The following NAA50 variants were observed in gnomAD, a reference collection of about 807,000 sequenced individuals.
NAA50 encodes N-alpha-acetyltransferase 50.
NAA50 carries 7 observed loss-of-function variants against 20.7 expected under a neutral mutation model. The observed-to-expected ratio is 0.34, with a 90% CI of 0.19 to 0.63. The LOEUF (loss-of-function observed/expected upper bound fraction) is 0.63, where lower values mean the gene tolerates loss of function less well. NAA50 is among the 30% of genes least tolerant of loss of function. NAA50 has a pLI of 0.75. For synonymous variants in NAA50, 54 were observed against 70.6 expected (o/e 0.77, Z 1.18); for missense variants, 111 against 199.1 (o/e 0.56, Z 2.66).
chr3:113,737,967 A>G (rs913316443), intron 1 of NAA50, among the ~76,000 whole-genome samples: 5 of 152,190 alleles, frequency 3.3e-5, no homozygotes, highest in Admixed American at 6.5e-5. Flanking sequence ...CATTTTGGGA[A>G]GCCAAAGTGG....
intron 1 of NAA50, among the ~76,000 whole-genome samples, chr3:113,734,332 A>T (rs952231763): frequency 2.0e-5 from 3 of 152,154 alleles, no homozygotes; most frequent in Non-Finnish European, 4.4e-5. Context: ...GCAAGAGGTG[A>T]AAAACTACCT....
At chr3:113,733,120 T>G (rs1163584374) in intron 1 of NAA50, among the ~76,000 whole-genome samples, 1 of 152,186 alleles carries the variant, frequency 6.6e-6, no homozygotes, top group African/African-American at 2.4e-5. Context: ...CTCCTGCTTT[T>G]ACATTGGATT....
chr3:113,745,418 G>A (rs1338593995), intron 1 of NAA50, among the ~76,000 whole-genome samples: 2 of 152,136 alleles, frequency 1.3e-5, no homozygotes, highest in Non-Finnish European at 1.5e-5. Context: ...CCCAAATCTA[G>A]TTGAGTCACT....
Position 113,716,909 on chromosome 3 carries a change from G to C in NAA50, c.*4851C>G, listed in dbSNP as rs1326363720. 1 of 152,254 alleles carries C rather than the reference G, an allele frequency of 6.6e-6. No individual in the cohort carries two copies. Among genetic ancestry groups the C allele is most frequent in the African/African-American group, 2.4e-5 (1 of 41,550 alleles). The allele number at this position is 152,254 out of a possible 1,614,324, so 9.4% of individuals were successfully genotyped here. ...ATAATTCTTCTAGATCTCAACTCTA[G>C]GCTGTTAACAAGTAGCAACTCCTTC... On this transcript the variant is annotated 3_prime_UTR_variant, in exon 5 of 5. Coordinates refer to ENST00000240922, the MANE Select transcript of NAA50 (RefSeq NM_025146.4).
chr3:113,721,735 G>A lies in NAA50; in HGVS notation c.*25C>T, dbSNP rs771574003. On this transcript the variant is annotated 3_prime_UTR_variant, in exon 5 of 5. Coordinates refer to ENST00000240922, the MANE Select transcript of NAA50 (RefSeq NM_025146.4). The stretch of plus-strand genomic sequence containing the variant: ...CTCTTTTATTTGGCGACAAGCAAGT[G>A]CAAGAAAGTTCATTTGTAATTTGTT... 6.2e-7 allele frequency: 1 copy of A among 1,613,142 alleles called. No individual in the cohort carries two copies. Among genetic ancestry groups the A allele is most frequent in the African/African-American group, 1.3e-5 (1 of 74,964 alleles).
chr3:113,723,611 A>G lies in NAA50; in HGVS notation c.146-70T>C. On this transcript the variant is annotated intron_variant, in intron 2 of 4. Transcript: ENST00000240922. ...ACACATTTAATCTTTTTCCCTTTTA[A>G]AGGACTACACTGTTCCTATCAACAT... 14 of 1,469,042 alleles carry G rather than the reference A, an allele frequency of 9.5e-6. No homozygotes were observed. The South Asian group carries it at 1.7e-4, about 18-fold the overall frequency. 91.0% of individuals were successfully genotyped at this position (1,469,042 alleles called of 1,614,324 possible). A position where few individuals can be genotyped will look rare whatever the true frequency, so the allele number is the denominator to read the frequency against.
At chr3:113,731,453 T>A (rs1460403609) in intron 1 of NAA50, among the ~76,000 whole-genome samples, 2 of 152,220 alleles carry the variant, frequency 1.3e-5, no homozygotes, top group Non-Finnish European at 2.9e-5. Flanking sequence ...CCCCCTCATT[T>A]CTTTCTCCTT....
intron 1 of NAA50, among the ~76,000 whole-genome samples, chr3:113,731,215 G>A (rs2107989508): frequency 6.6e-6 from 1 of 152,108 alleles, no homozygotes; most frequent in Middle Eastern, 3.4e-3. Context: ...GGTGTATTAT[G>A]GATACTTGTC....
chr3:113,723,851 T>A, intron 2 of NAA50, 108 bp downstream of exon 2: 1 of 1,268,300 alleles, frequency 7.9e-7, no homozygotes. Flanking sequence ...TCCTCACTTA[T>A]AAAATAAACA....
At chr3:113,728,899 C>T (rs1389956702) in intron 1 of NAA50, among the ~76,000 whole-genome samples, 1 of 152,218 alleles carries the variant, frequency 6.6e-6, no homozygotes, top group Non-Finnish European at 1.5e-5. Flanking sequence ...GATGGCCTCT[C>T]CATCCTTGGC....
rs984736030 is a variant in NAA50 at position 113,716,966 on chromosome 3, A to G, written c.*4794T>C. 2 of 152,186 alleles carry G rather than the reference A, an allele frequency of 1.3e-5. No homozygotes were observed. The highest frequency in any genetic ancestry group is 4.8e-5 in the African/African-American group (2 of 41,452). The allele number at this position is 152,186 out of a possible 1,614,324, so 9.4% of individuals were successfully genotyped here. On this transcript the variant is annotated 3_prime_UTR_variant, in exon 5 of 5. Coordinates refer to ENST00000240922, the MANE Select transcript of NAA50 (RefSeq NM_025146.4). ...ACTTTCTGCTCCCAACTATTTCTGA[A>G]TCAGATCTTGCTGCTATTTTTTTCT...
rs561405066 is a variant in NAA50, at chr3:113,736,790, T to C, written c.8+9152A>G. 5.3e-5 allele frequency among the ~76,000 whole-genome samples: 8 copies of C among 152,276 alleles called. No homozygotes were observed. The East Asian group carries it at 9.6e-4, about 18-fold the overall frequency. ...CTTCCAGCCTCAGCCTCCTGAGCTA[T>C]TGGGACAACAGGCACCACATCACCA... On this transcript the variant is annotated intron_variant, in intron 1 of 4. Transcript: ENST00000240922.
chr3:113,745,935 T>C lies in NAA50; in HGVS notation c.8+7A>G, dbSNP rs1396329330. 1 of 1,605,506 alleles carries C rather than the reference T, an allele frequency of 6.2e-7. No homozygotes were observed. The stretch of plus-strand genomic sequence containing the variant: ...CGGCCGGGCCCTGCCCGGCTGCCCT[T>C]CCTCACCCTTTCATCTTCCCCGCCT... On this transcript the variant is annotated splice_region_variant and intron_variant, in intron 1 of 4. Coordinates refer to ENST00000240922, the MANE Select transcript of NAA50 (RefSeq NM_025146.4).
intron 1 of NAA50, among the ~76,000 whole-genome samples, chr3:113,729,044 G>A (rs933899419): frequency 1.3e-5 from 2 of 150,102 alleles, no homozygotes; most frequent in African/African-American, 2.5e-5. Flanking sequence ...GGAGTGTAGC[G>A]GTGCAATCTC....
chr3:113,733,007 G>T lies in NAA50; in HGVS notation c.9-8912C>A, dbSNP rs115875913. Among the ~76,000 whole-genome samples, 749 of 151,240 alleles carry T rather than the reference G, an allele frequency of 5.0e-3. 6 individuals are homozygous for T. Among genetic ancestry groups the T allele is most frequent in the African/African-American group, 0.017 (715 of 41,078 alleles). ...ATGATGTTGAGTATGTTTTTGTATG[G>T]CTATTAGCCATTTTTTTTTTTTTTT... On this transcript the variant is annotated intron_variant, in intron 1 of 4. Transcript: ENST00000240922.
chr3:113,738,744 G>A (rs1165656568), intron 1 of NAA50, among the ~76,000 whole-genome samples: 1 of 152,124 alleles, frequency 6.6e-6, no homozygotes, highest in South Asian at 2.1e-4. Flanking sequence ...TTTAAAATAA[G>A]TAACAAATTA....
intron 1 of NAA50, among the ~76,000 whole-genome samples, chr3:113,725,738 A>C (rs1362345373): frequency 1.3e-5 from 2 of 152,218 alleles, no homozygotes; most frequent in African/African-American, 4.8e-5. Flanking sequence ...ATTGCATTCC[A>C]GCCTGGGTGA....
rs529097709 is a variant in NAA50 at position 113,720,835 on chromosome 3, A to G, written c.*925T>C. 6.6e-6 allele frequency: 1 copy of G among 152,470 alleles called. No individual in the cohort carries two copies. Among genetic ancestry groups the G allele is most frequent in the African/African-American group, 2.4e-5 (1 of 41,458 alleles). The allele number at this position is 152,470 out of a possible 1,614,324, so 9.4% of individuals were successfully genotyped here. On this transcript the variant is annotated 3_prime_UTR_variant, in exon 5 of 5. Coordinates refer to ENST00000240922, the MANE Select transcript of NAA50 (RefSeq NM_025146.4). ...GGTATTTTTTAGTATGTCCAAGAGA[A>G]AACACCTGCTTCAGGTTTATTTAGG...
At position 113,723,479 on chromosome 3, in the gene NAA50, T is replaced by G; in HGVS notation, c.208A>C (p.Lys70Gln). 1 of 1,613,286 alleles carries G rather than the reference T, an allele frequency of 6.2e-7. No homozygotes were observed. Among genetic ancestry groups the G allele is most frequent in the Non-Finnish European group, 8.5e-7 (1 of 1,179,542 alleles). The change falls in exon 3 of 5, where the codon AAG becomes CAG. Residue 70 changes from lysine to glutamine, a missense_variant. Lys to Gln is a moderately conservative substitution (Grantham distance 53). Transcript: ENST00000240922. Reference protein sequence around the residue: ...CCRVDHSQNQKRLYIMTLGCL... With the variant: ...CCRVDHSQNQQRLYIMTLGCL... ...CCTAGTGTCATGATGTAAAGTCTCT[T>G]CTGATTCTGTGAATGATCCACCCTA... is the stretch of plus-strand genomic sequence containing the variant.
Sources: gnomAD v4.1 joint callset for allele counts (sites outside exome capture counted in the v4.1 genomes callset) on GRCh38, gnomAD v4.1.1 for gene constraint, MANE v1.5 for transcripts, NCBI Gene and HGNC (gene_info 2026-07-23, HGNC 2026-07-21) for gene names.